Variants in EDA observed in about 807,000 individuals in gnomAD.
EDA encodes the protein ectodysplasin A, also known as ectodysplasin-A.
EDA carries 2 observed loss-of-function variants against 23.6 expected under a neutral mutation model. The observed-to-expected ratio is 0.08, with a 90% CI of 0.03 to 0.27. The LOEUF (loss-of-function observed/expected upper bound fraction) is 0.27. Ranked by LOEUF, EDA falls within the 10% of genes least tolerant of loss-of-function variation. The pLI is 1.00. For missense variants in EDA, 229 were observed against 324.2 expected, an observed-to-expected ratio of 0.71 and a Z score of 2.26; for synonymous variants, 131 against 132.0, an observed-to-expected ratio of 0.99 and a Z score of 0.05.
At chrX:70,023,153 C>A in intron 2 of EDA, 65 bp from the exon 3 acceptor site, 1 of 797,483 alleles carries the variant, frequency 1.3e-6, no homozygotes, top group Non-Finnish European at 1.9e-6. Context: ...TAGTGACTAT[C>A]TTAGAAAATA....
At chrX:69,624,789 CCT>C (rs751401580) in intron 1 of EDA, among the ~76,000 whole-genome samples, 548 of 94,946 alleles carry the variant, frequency 5.8e-3, no homozygotes, top group Non-Finnish European at 6.1e-3. Flanking sequence ...GTCAGAAGCT[CCT>C]CTCTCTCTCT....
intron 1 of EDA, among the ~76,000 whole-genome samples, chrX:69,862,297 AG>A (rs2017398658): frequency 8.9e-6 from 1 of 111,999 alleles, no homozygotes; most frequent in Non-Finnish European, 1.9e-5. Flanking sequence ...AAGACACAGT[AG>A]TACCTTTTAT....
intron 1 of EDA, among the ~76,000 whole-genome samples, chrX:69,854,507 G>A (rs1258867180): frequency 9.0e-6 from 1 of 111,509 alleles, no homozygotes; most frequent in Non-Finnish European, 1.9e-5. Flanking sequence ...CCCTCTATGT[G>A]TCCATGTGTT....
At chrX:69,697,248 C>T (rs1010475340) in intron 1 of EDA, among the ~76,000 whole-genome samples, 3 of 111,605 alleles carry the variant, frequency 2.7e-5, no homozygotes, top group Non-Finnish European at 5.6e-5. Context: ...GGTACCCTGA[C>T]GGCCTCTCTC....
chrX:69,906,360 C>G (rs967139144), intron 1 of EDA, among the ~76,000 whole-genome samples: 1 of 112,307 alleles, frequency 8.9e-6, no homozygotes, highest in African/African-American at 3.2e-5. Context: ...AGGGCTACCC[C>G]AAATCATAAA....
At chrX:69,865,730 T>G (rs2017475577) in intron 1 of EDA, among the ~76,000 whole-genome samples, 1 of 111,659 alleles carries the variant, frequency 9.0e-6, no homozygotes, top group Non-Finnish European at 1.9e-5. Flanking sequence ...ACACATCTCC[T>G]GAGATCATTC....
chrX:69,824,152 T>C (rs2016333560), intron 1 of EDA, among the ~76,000 whole-genome samples: 1 of 109,335 alleles, frequency 9.1e-6, no homozygotes, highest in Admixed American at 9.8e-5. Flanking sequence ...GCTTTGTTCT[T>C]TTGGCTCAGG....
At chrX:69,655,194 G>T (rs1004410427) in intron 1 of EDA, among the ~76,000 whole-genome samples, 1 of 111,320 alleles carries the variant, frequency 9.0e-6, no homozygotes, top group Admixed American at 9.5e-5. Flanking sequence ...TCGGGAGTTC[G>T]AGACCAGCCT....
intron 1 of EDA, among the ~76,000 whole-genome samples, chrX:69,827,037 T>C (rs2016459920): frequency 8.9e-6 from 1 of 112,480 alleles, no homozygotes; most frequent in South Asian, 3.7e-4. Context: ...CCCCACTCTC[T>C]TCTGGCTTTT....
At chrX:69,724,922 G>A (rs150245805) in intron 1 of EDA, among the ~76,000 whole-genome samples, 66 of 112,102 alleles carry the variant, frequency 5.9e-4, no homozygotes, top group African/African-American at 2.0e-3. Flanking sequence ...GGATTGGGAT[G>A]TTCAACGTTT....
chrX:69,961,392 A>G (rs1230915454), intron 2 of EDA, among the ~76,000 whole-genome samples: 1 of 112,326 alleles, frequency 8.9e-6, no homozygotes, highest in Non-Finnish European at 1.9e-5. Context: ...GGATGTAGTG[A>G]TCCTTAGGAG....
At chrX:69,899,239 C>T (rs1419366779) in intron 1 of EDA, among the ~76,000 whole-genome samples, 2 of 111,726 alleles carry the variant, frequency 1.8e-5, no homozygotes, top group African/African-American at 6.5e-5. Flanking sequence ...CAATGAGGTA[C>T]ATCTGGTGGG....
intron 1 of EDA, among the ~76,000 whole-genome samples, chrX:69,753,267 G>A (rs1328878261): frequency 9.0e-6 from 1 of 111,687 alleles, no homozygotes; most frequent in African/African-American, 3.3e-5. Flanking sequence ...AGAGATTCTG[G>A]TATGTTGTGT....
At chrX:69,781,774 C>T (rs893168055) in intron 1 of EDA, among the ~76,000 whole-genome samples, 31 of 110,525 alleles carry the variant, frequency 2.8e-4, no homozygotes, top group Non-Finnish European at 4.4e-4. Flanking sequence ...ATCTGTTAGA[C>T]AGAAATTCTA....
At chrX:69,723,520 G>A (rs2012671838) in intron 1 of EDA, among the ~76,000 whole-genome samples, 1 of 111,935 alleles carries the variant, frequency 8.9e-6, no homozygotes, top group South Asian at 3.7e-4. Flanking sequence ...ACCCATTCAG[G>A]TCTTTATCAC....
chrX:69,638,512 C>T (rs1415088427), intron 1 of EDA, among the ~76,000 whole-genome samples: 1 of 112,004 alleles, frequency 8.9e-6, no homozygotes, highest in Non-Finnish European at 1.9e-5. Context: ...TAAAATTGGT[C>T]TTCAGTAATG....
chrX:69,683,458 G>T (rs1462024222), intron 1 of EDA, among the ~76,000 whole-genome samples: 3 of 111,572 alleles, frequency 2.7e-5, no homozygotes, highest in African/African-American at 9.8e-5. Flanking sequence ...GGCTTATTAT[G>T]AATGCCATGT....
At chrX:69,886,867 CT>C (rs915612279) in intron 1 of EDA, among the ~76,000 whole-genome samples, 1 of 111,883 alleles carries the variant, frequency 8.9e-6, no homozygotes, top group Non-Finnish European at 1.9e-5. Context: ...AGAAGAAGGC[CT>C]TAACTTACCA....
At chrX:69,744,339 A>T (rs188912681) in intron 1 of EDA, among the ~76,000 whole-genome samples, 1 of 111,980 alleles carries the variant, frequency 8.9e-6, no homozygotes. Flanking sequence ...GTCCAAGATT[A>T]TGTAGAAGGC....
Sources: allele counts gnomAD v4.1 joint callset (sites outside exome capture counted in the v4.1 genomes callset), GRCh38; gene constraint gnomAD v4.1.1; transcripts MANE v1.5; gene names NCBI Gene and HGNC (gene_info 2026-07-23, HGNC 2026-07-21).